The following PLXDC2 variants were observed in gnomAD, a reference collection of about 807,000 sequenced individuals.
PLXDC2 encodes plexin domain-containing protein 2.
Under a neutral mutation model 68.9 loss-of-function variants are expected in PLXDC2, and 40 were observed. The ratio of observed to expected loss-of-function variants is 0.58; its 90% CI spans 0.45 to 0.76. The LOEUF is 0.76. Among genes scored for constraint, PLXDC2 ranks in the 30% least tolerant of loss-of-function variants. The probability of loss-of-function intolerance (pLI) is 0.00; values close to 1 mark genes in which losing one functional copy is unlikely to be tolerated. For missense variants in PLXDC2, 644 were observed against 661.9 expected (o/e 0.97, Z 0.30); for synonymous variants, 243 against 234.2 (o/e 1.04, Z -0.34).
At chr10:19,854,369 T>C (rs1246076458) in intron 1 of PLXDC2, among the ~76,000 whole-genome samples, 1 of 152,196 alleles carries the variant, frequency 6.6e-6, no homozygotes, top group Non-Finnish European at 1.5e-5. Flanking sequence ...TTGTTTTTAA[T>C]ATAAATCAGT....
chr10:20,259,231 G>T (rs1419934714), intron 13 of PLXDC2, among the ~76,000 whole-genome samples: 1 of 151,926 alleles, frequency 6.6e-6, no homozygotes, highest in African/African-American at 2.4e-5. Flanking sequence ...TGAAAGGTGG[G>T]TATAATAGTA....
chr10:20,242,023 C>T (rs898141771), intron 12 of PLXDC2, among the ~76,000 whole-genome samples: 13 of 151,912 alleles, frequency 8.6e-5, no homozygotes, highest in South Asian at 2.1e-4. Context: ...GATGGAAAGA[C>T]GAGTGGAAGA....
intron 13 of PLXDC2, among the ~76,000 whole-genome samples, chr10:20,271,504 G>A (rs1434468843): frequency 6.6e-6 from 1 of 152,138 alleles, no homozygotes; most frequent in Non-Finnish European, 1.5e-5. Context: ...ACTTTCCAAT[G>A]GAAATTAGAG....
intron 4 of PLXDC2, among the ~76,000 whole-genome samples, chr10:20,138,243 A>G (rs1405203660): frequency 1.3e-5 from 2 of 152,188 alleles, no homozygotes; most frequent in Non-Finnish European, 2.9e-5. Context: ...TTAAAGTCGC[A>G]GTTTCCAAGA....
chr10:20,239,583 C>G (rs1220638316), intron 12 of PLXDC2, among the ~76,000 whole-genome samples: 4 of 152,054 alleles, frequency 2.6e-5, no homozygotes, highest in Non-Finnish European at 5.9e-5. Context: ...TAAGAGAAAC[C>G]ACACCCATGA....
At chr10:20,057,657 C>G (rs1237303109) in intron 3 of PLXDC2, among the ~76,000 whole-genome samples, 2 of 152,068 alleles carry the variant, frequency 1.3e-5, no homozygotes, top group Non-Finnish European at 2.9e-5. Context: ...CTATTAGACA[C>G]TCTCTATTAA....
At chr10:19,826,667 A>G (rs1836576463) in intron 1 of PLXDC2, among the ~76,000 whole-genome samples, 1 of 152,208 alleles carries the variant, frequency 6.6e-6, no homozygotes, top group African/African-American at 2.4e-5. Flanking sequence ...AGGATATTAT[A>G]TATCTTGTAT....
chr10:19,964,561 A>G (rs1378076650), intron 1 of PLXDC2, among the ~76,000 whole-genome samples: 2 of 152,200 alleles, frequency 1.3e-5, no homozygotes, highest in African/African-American at 2.4e-5. Flanking sequence ...CATCCTAGCT[A>G]TATTCATGTA....
chr10:19,844,304 C>A (rs1254683831), intron 1 of PLXDC2, among the ~76,000 whole-genome samples: 1 of 152,082 alleles, frequency 6.6e-6, no homozygotes, highest in African/African-American at 2.4e-5. Flanking sequence ...ACGAATGGTT[C>A]CTATCCCAGC....
Position 19,987,902 on chromosome 10 carries a change from C to T in PLXDC2, c.113-13873C>T, listed in dbSNP as rs1834676591. On this transcript the variant is annotated intron_variant, in intron 1 of 13. Transcript: ENST00000377252. Reference sequence around the variant, plus strand: ...TGTTTTTATTTTACATTTTTGTTAACAGAAAAGAGGAGGAAAAGTTCATAA... The same window carrying T: ...TGTTTTTATTTTACATTTTTGTTAATAGAAAAGAGGAGGAAAAGTTCATAA... 3.9e-5 allele frequency among the ~76,000 whole-genome samples: 6 copies of T among 152,154 alleles called. No homozygotes were observed. The South Asian group carries it at 1.0e-3, about 26-fold the overall frequency.
intron 4 of PLXDC2, among the ~76,000 whole-genome samples, chr10:20,082,963 G>C (rs1016390847): frequency 1.3e-5 from 2 of 152,078 alleles, no homozygotes; most frequent in Admixed American, 1.3e-4. Flanking sequence ...ATGTATGTAT[G>C]TATGTATGTG....
intron 1 of PLXDC2, among the ~76,000 whole-genome samples, chr10:19,864,375 G>C (rs1348640873): frequency 1.3e-5 from 2 of 152,090 alleles, no homozygotes; most frequent in African/African-American, 4.8e-5. Flanking sequence ...GGCTAAAATA[G>C]GCATCTATCT....
intron 1 of PLXDC2, among the ~76,000 whole-genome samples, chr10:19,836,931 C>G (rs1210180565): frequency 2.0e-5 from 3 of 152,144 alleles, no homozygotes; most frequent in Non-Finnish European, 4.4e-5. Context: ...ACTCAGTAAG[C>G]ATTTGTGAAA....
chr10:19,972,458 G>A (rs1834371264), intron 1 of PLXDC2, among the ~76,000 whole-genome samples: 1 of 152,200 alleles, frequency 6.6e-6, no homozygotes, highest in African/African-American at 2.4e-5. Context: ...TGAAGGGTGG[G>A]AGGAGAATGA....
At chr10:20,007,187 A>T (rs760439567) in intron 2 of PLXDC2, among the ~76,000 whole-genome samples, 1 of 152,214 alleles carries the variant, frequency 6.6e-6, no homozygotes, top group East Asian at 1.9e-4. Context: ...CAGGGCAAGC[A>T]TCTTCCCCTG....
At chr10:20,140,519 A>G (rs1483925353) in intron 4 of PLXDC2, among the ~76,000 whole-genome samples, 1 of 151,878 alleles carries the variant, frequency 6.6e-6, no homozygotes, top group African/African-American at 2.4e-5. Flanking sequence ...GGTATCTGTG[A>G]GTACCTTTAA....
In PLXDC2 at chr10:20,219,001, A is replaced by G. The variant is rs1588524599; in HGVS notation, c.1274-63A>G. 5.7e-5 allele frequency: 89 copies of G among 1,566,324 alleles called. 6 individuals carry two copies. The South Asian group carries it at 1.0e-3, about 18-fold the overall frequency. On this transcript the variant is annotated intron_variant, in intron 11 of 13. Coordinates refer to ENST00000377252, the MANE Select transcript of PLXDC2 (RefSeq NM_032812.9). ...CAGTTAGTAGACAATTACTAGTCAT[A>G]AGATTTATGCTCCTTTGAAATCAAT... is the stretch of plus-strand genomic sequence containing the variant.
At chr10:20,139,827 G>C (rs1466180317) in intron 4 of PLXDC2, among the ~76,000 whole-genome samples, 1 of 150,986 alleles carries the variant, frequency 6.6e-6, no homozygotes, top group Admixed American at 6.6e-5. Context: ...ACACAGGGAG[G>C]GGAACATCAC....
At chr10:20,027,962 G>A (rs1835431307) in intron 2 of PLXDC2, among the ~76,000 whole-genome samples, 1 of 152,144 alleles carries the variant, frequency 6.6e-6, no homozygotes, top group Admixed American at 6.5e-5. Context: ...CACTTTTCTG[G>A]AACATAAACC....
Sources: allele counts gnomAD v4.1 joint callset (sites outside exome capture counted in the v4.1 genomes callset), GRCh38; gene constraint gnomAD v4.1.1; transcripts MANE v1.5; gene names NCBI Gene and HGNC (gene_info 2026-07-23, HGNC 2026-07-21).